The following HMGA2 variants were observed in gnomAD, a reference collection of about 807,000 sequenced individuals.
HMGA2 encodes high mobility group AT-hook 2, also known as high mobility group protein HMGI-C.
HMGA2 carries 8 observed loss-of-function variants against 19.1 expected under a neutral mutation model. The observed-to-expected ratio is 0.42, with a 90% CI of 0.25 to 0.76. The LOEUF is 0.76. HMGA2 is among the 30% of genes least tolerant of loss of function. The pLI, the probability that HMGA2 is intolerant of heterozygous loss-of-function variation, is 0.28. For missense variants in HMGA2, 109 were observed against 136.3 expected, an observed-to-expected ratio of 0.80 and a Z score of 1.00; for synonymous variants, 60 against 48.8, an observed-to-expected ratio of 1.23 and a Z score of -0.96.
At chr12:65,946,474 T>C (rs1423229922) in intron 3 of HMGA2, among the ~76,000 whole-genome samples, 2 of 152,206 alleles carry the variant, frequency 1.3e-5, no homozygotes, top group Non-Finnish European at 2.9e-5. Context: ...TAATCATGTT[T>C]GCTTTACCAT....
At chr12:65,835,911 CTG>C (rs935090379) in intron 2 of HMGA2, among the ~76,000 whole-genome samples, 1 of 152,176 alleles carries the variant, frequency 6.6e-6, no homozygotes, top group Non-Finnish European at 1.5e-5. Flanking sequence ...ACTGGGTTAA[CTG>C]TGCAATCTTA....
chr12:65,846,275 CGAT>C (rs1468221378), intron 3 of HMGA2, among the ~76,000 whole-genome samples: 1 of 152,184 alleles, frequency 6.6e-6, no homozygotes, highest in African/African-American at 2.4e-5. Context: ...CCTTAGTAAA[CGAT>C]GAATGGCTGC....
intron 3 of HMGA2, among the ~76,000 whole-genome samples, chr12:65,895,761 G>T (rs1874102247): frequency 6.6e-6 from 1 of 152,082 alleles, no homozygotes; most frequent in African/African-American, 2.4e-5. Context: ...TTTCTGGTTG[G>T]TTGTATGCAT....
chr12:65,854,497 T>TTG (rs1871632920), intron 3 of HMGA2, among the ~76,000 whole-genome samples: 1 of 152,152 alleles, frequency 6.6e-6, no homozygotes, highest in Admixed American at 6.5e-5. Context: ...ATGTACTTAT[T>TTG]TGTGTGTGTG....
At position 65,851,658 on chromosome 12, in the gene HMGA2, T is replaced by C. The variant is rs889914052; in HGVS notation, c.249+13089T>C. ...CTGGGCAACAAAGCGAGACTCTGTC[T>C]CAAAACAACAACAACAACAAAAAAT... On this transcript the variant is annotated intron_variant, in intron 3 of 4. Coordinates refer to ENST00000403681, the MANE Select transcript of HMGA2 (RefSeq NM_003483.6). 1.8e-5 allele frequency: 8 copies of C among 444,952 alleles called. No homozygotes were observed. The Admixed American group carries it at 1.9e-4, about 11-fold the overall frequency. 27.6% of individuals were successfully genotyped at this position (444,952 alleles called of 1,614,324 possible). A position where few individuals can be genotyped will look rare whatever the true frequency, so the allele number is the denominator to read the frequency against.
At chr12:65,846,262 T>A (rs1485160773) in intron 3 of HMGA2, among the ~76,000 whole-genome samples, 1 of 152,240 alleles carries the variant, frequency 6.6e-6, no homozygotes, top group Non-Finnish European at 1.5e-5. Flanking sequence ...CTTTTGAGCA[T>A]TTCCTTAGTA....
rs1051446285 is a variant in HMGA2, at chr12:65,861,914, G to A, written c.249+23345G>A. Among the ~76,000 whole-genome samples, 11 of 149,690 alleles carry A rather than the reference G, an allele frequency of 7.3e-5. 1 individual carries two copies. In the South Asian group the frequency reaches 1.0e-3, roughly 14 times the overall value. ...GGCTGGAGCGCAATGGCGCGATCTCGGCTCACTGCAACCTCTGCCTCCCCA... is the reference window on the plus strand; with the variant it reads ...GGCTGGAGCGCAATGGCGCGATCTCAGCTCACTGCAACCTCTGCCTCCCCA... On this transcript the variant is annotated intron_variant, in intron 3 of 4. Coordinates refer to ENST00000403681, the MANE Select transcript of HMGA2 (RefSeq NM_003483.6).
Position 65,824,770 on chromosome 12 carries a change from G to A in HMGA2, c.-501G>A, listed in dbSNP as rs763695892. The A allele has an allele frequency of 2.3e-5, 3 of 132,688 alleles. No homozygotes were observed. Among genetic ancestry groups the A allele is most frequent in the Non-Finnish European group, 4.5e-5 (3 of 66,528 alleles). The allele number at this position is 132,688 out of a possible 1,614,324, so 8.2% of individuals were successfully genotyped here. ...CTCTCTCTCTCTCTCTCTCTCTCTC[G>A]CAGGGTGGGGGGAAGAGGAGGAGGA... On this transcript the variant is annotated 5_prime_UTR_variant, in exon 1 of 5. Coordinates refer to ENST00000403681, the MANE Select transcript of HMGA2 (RefSeq NM_003483.6).
chr12:65,862,958 G>A (rs906796975), intron 3 of HMGA2, among the ~76,000 whole-genome samples: 10 of 152,174 alleles, frequency 6.6e-5, no homozygotes, highest in Admixed American at 3.9e-4. Context: ...CTGTCCCACC[G>A]TCCACACGAA....
intron 3 of HMGA2, among the ~76,000 whole-genome samples, chr12:65,910,813 A>T (rs576964953): frequency 1.2e-3 from 179 of 151,940 alleles, no homozygotes; most frequent in Non-Finnish European, 2.2e-3. Context: ...TTTGACTTAT[A>T]AAAAAAAGGG....
intron 3 of HMGA2, among the ~76,000 whole-genome samples, chr12:65,845,466 GC>G (rs1871195306): frequency 6.6e-6 from 1 of 151,850 alleles, no homozygotes; most frequent in Non-Finnish European, 1.5e-5. Context: ...ACGCAGTTTC[GC>G]CATGTTGGCC....
intron 3 of HMGA2, among the ~76,000 whole-genome samples, chr12:65,940,965 G>A (rs923412297): frequency 9.9e-5 from 15 of 152,148 alleles, no homozygotes; most frequent in African/African-American, 2.7e-4. Context: ...ATGAAAACTC[G>A]TGTCATCTCA....
At chr12:65,948,253 C>A (rs1876334266) in intron 3 of HMGA2, among the ~76,000 whole-genome samples, 1 of 152,158 alleles carries the variant, frequency 6.6e-6, no homozygotes, top group South Asian at 2.1e-4. Flanking sequence ...TATTAAGGTG[C>A]ATGAAAATTT....
chr12:65,960,338 A>G (rs1482909038), intron 4 of HMGA2, among the ~76,000 whole-genome samples: 2 of 152,196 alleles, frequency 1.3e-5, no homozygotes, highest in Non-Finnish European at 2.9e-5. Flanking sequence ...GCACCACAGA[A>G]GCACCCTGTG....
chr12:65,920,234 A>C (rs1167212086), intron 3 of HMGA2, among the ~76,000 whole-genome samples: 1 of 152,142 alleles, frequency 6.6e-6, no homozygotes, highest in Non-Finnish European at 1.5e-5. Context: ...TGTGCACAGG[A>C]AACGCTTGCC....
chr12:65,892,833 G>T (rs1313455526), intron 3 of HMGA2, among the ~76,000 whole-genome samples: 1 of 152,146 alleles, frequency 6.6e-6, no homozygotes, highest in Non-Finnish European at 1.5e-5. Context: ...ACCAAATGAT[G>T]CTGCCTCCTG....
At chr12:65,960,760 T>C (rs1023371075) in intron 4 of HMGA2, among the ~76,000 whole-genome samples, 3 of 152,358 alleles carry the variant, frequency 2.0e-5, no homozygotes, top group East Asian at 1.9e-4. Context: ...AGTAGAATTC[T>C]AAGGTCAGCA....
chr12:65,952,556 C>A, intron 4 of HMGA2: 1 of 1,381,054 alleles, frequency 7.2e-7, no homozygotes, highest in Non-Finnish European at 9.4e-7. Context: ...TTGCTGCTCC[C>A]ATACCTAAAA....
chr12:65,934,540 C>G (rs1392548988), intron 3 of HMGA2, among the ~76,000 whole-genome samples: 1 of 152,126 alleles, frequency 6.6e-6, no homozygotes, highest in Non-Finnish European at 1.5e-5. Context: ...TTCCTGAGAG[C>G]CTTGGCCTCT....
Sources: allele counts gnomAD v4.1 joint callset (sites outside exome capture counted in the v4.1 genomes callset), GRCh38; gene constraint gnomAD v4.1.1; transcripts MANE v1.5; gene names NCBI Gene and HGNC (gene_info 2026-07-23, HGNC 2026-07-21).